The following MCPH1 variants were observed in gnomAD, a reference collection of about 807,000 sequenced individuals.
The protein encoded by MCPH1 is microcephalin 1.
Under a neutral mutation model 84.5 loss-of-function variants are expected in MCPH1, and 104 were observed. The observed-to-expected ratio is 1.23, with a 90% CI of 1.05 to 1.45. MCPH1 has a LOEUF of 1.45. MCPH1 is among the 40% of genes most tolerant of loss of function. MCPH1 has a pLI of 0.00. For synonymous variants in MCPH1, 514 were observed against 366.8 expected, an observed-to-expected ratio of 1.40 and a Z score of -4.58; for missense variants, 1,498 against 1,005.7, an observed-to-expected ratio of 1.49 and a Z score of -6.62.
At position 6,621,700 on chromosome 8, in the gene MCPH1, C is replaced by A. The variant is rs200446680; in HGVS notation, c.2452+9C>A. On this transcript the variant is annotated intron_variant, in intron 13 of 13. Coordinates refer to ENST00000344683, the MANE Select transcript of MCPH1 (RefSeq NM_024596.5). ...TGAGAAATGGGTCTTAGGTAAGAAT[C>A]CAGGCACACAGACGCTGTGGTGTGG... The A allele has an allele frequency of 2.4e-5, 39 of 1,614,064 alleles. No homozygotes were observed. In the African/African-American group the frequency reaches 4.5e-4, roughly 19 times the overall value.
At chr8:6,632,049 G>C (rs1447746314) in intron 13 of MCPH1, among the ~76,000 whole-genome samples, 1 of 152,188 alleles carries the variant, frequency 6.6e-6, no homozygotes, top group African/African-American at 2.4e-5. Context: ...GATGAACTTT[G>C]AAAACATCAT....
intron 12 of MCPH1, among the ~76,000 whole-genome samples, chr8:6,548,148 C>G (rs1244547015): frequency 1.3e-5 from 2 of 152,136 alleles, no homozygotes; most frequent in Non-Finnish European, 2.9e-5. Flanking sequence ...GTAGTTGGTT[C>G]CACTGGAATC....
At chr8:6,594,335 C>G (rs553124458) in intron 12 of MCPH1, among the ~76,000 whole-genome samples, 2 of 152,296 alleles carry the variant, frequency 1.3e-5, no homozygotes, top group African/African-American at 2.4e-5. Flanking sequence ...ACCTCTGGAC[C>G]CTGGGAGTCA....
At chr8:6,476,112 A>G (rs143882083) in intron 9 of MCPH1, among the ~76,000 whole-genome samples, 108 of 152,270 alleles carry the variant, frequency 7.1e-4, no homozygotes, top group African/African-American at 2.3e-3. Flanking sequence ...ACAAACAGAC[A>G]TAGATAATTT....
At chr8:6,407,496 T>C (rs143262217) in intron 1 of MCPH1, among the ~76,000 whole-genome samples, 1 of 152,140 alleles carries the variant, frequency 6.6e-6, no homozygotes, top group African/African-American at 2.4e-5. Context: ...TCTGTGCACC[T>C]GGAAGAGCCC....
chr8:6,479,340 G>C (rs1808882665), intron 10 of MCPH1, among the ~76,000 whole-genome samples: 1 of 152,036 alleles, frequency 6.6e-6, no homozygotes, highest in African/African-American at 2.4e-5. Flanking sequence ...TATAAGCATA[G>C]ACAATAACCT....
intron 12 of MCPH1, among the ~76,000 whole-genome samples, chr8:6,543,789 G>A (rs1284022661): frequency 2.0e-5 from 3 of 152,048 alleles, no homozygotes; most frequent in Non-Finnish European, 4.4e-5. Context: ...TTAAAGCTGC[G>A]AGTTTTTTCA....
intron 11 of MCPH1, among the ~76,000 whole-genome samples, chr8:6,484,056 A>C (rs1809561903): frequency 6.6e-6 from 1 of 152,234 alleles, no homozygotes; most frequent in Non-Finnish European, 1.5e-5. Context: ...CATGATGAAT[A>C]ACAGAAAACA....
intron 12 of MCPH1, among the ~76,000 whole-genome samples, chr8:6,574,782 C>A (rs572129958): frequency 3.3e-5 from 5 of 152,104 alleles, no homozygotes; most frequent in Non-Finnish European, 5.9e-5. Context: ...GAAGGAAGAC[C>A]TGCAGGATGG....
chr8:6,412,851 C>T (rs1420764881), intron 2 of MCPH1, among the ~76,000 whole-genome samples: 4 of 152,218 alleles, frequency 2.6e-5, no homozygotes, highest in Admixed American at 2.0e-4. Context: ...AAAAGTAATA[C>T]ATATTTATTG....
At chr8:6,540,253 C>G (rs1022701774) in intron 12 of MCPH1, among the ~76,000 whole-genome samples, 1 of 152,026 alleles carries the variant, frequency 6.6e-6, no homozygotes, top group Non-Finnish European at 1.5e-5. Flanking sequence ...TGTGTGTTTC[C>G]CTTACCACTA....
At chr8:6,522,140 G>C (rs1004494111) in intron 12 of MCPH1, among the ~76,000 whole-genome samples, 52 of 152,240 alleles carry the variant, frequency 3.4e-4, no homozygotes, top group Non-Finnish European at 5.9e-4. Flanking sequence ...CGGATCACGA[G>C]GTCGGGAGAT....
At position 6,536,605 on chromosome 8, in the gene MCPH1, C is replaced by G. The variant is rs757757628; in HGVS notation, c.2214+36676C>G. The stretch of plus-strand genomic sequence containing the variant: ...TGACAAAAGAATCTGTGTTTTCTTC[C>G]AAAGATTAGTAGTAATTTTTAGAGG... On this transcript the variant is annotated intron_variant, in intron 12 of 13. Coordinates refer to ENST00000344683, the MANE Select transcript of MCPH1 (RefSeq NM_024596.5). Among the ~76,000 whole-genome samples the G allele has an allele frequency of 7.2e-5, 11 of 152,202 alleles. No individual in the cohort carries two copies. In the South Asian group the frequency reaches 1.2e-3, roughly 17 times the overall value.
At chr8:6,514,443 C>T (rs1174529835) in intron 12 of MCPH1, among the ~76,000 whole-genome samples, 1 of 152,168 alleles carries the variant, frequency 6.6e-6, no homozygotes, top group Non-Finnish European at 1.5e-5. Flanking sequence ...TCTGCCTCGG[C>T]CTCCCAAAGT....
At position 6,513,833 on chromosome 8, in the gene MCPH1, G is replaced by A. The variant is rs1030887573; in HGVS notation, c.2214+13904G>A. 1.9e-6 allele frequency: 3 copies of A among 1,605,692 alleles called. No individual in the cohort carries two copies. The South Asian group carries it at 3.4e-5, about 18-fold the overall frequency. On this transcript the variant is annotated intron_variant, in intron 12 of 13. Transcript: ENST00000344683. ...TTCCCAGCCAATATTCTCCTGAAGG[G>A]TTACCAAATCCCTGTAATGCAAGTT...
intron 9 of MCPH1, among the ~76,000 whole-genome samples, chr8:6,470,812 TA>T (rs1211851956): frequency 1.3e-5 from 2 of 152,248 alleles, no homozygotes; most frequent in Non-Finnish European, 2.9e-5. Flanking sequence ...GTAGAAAATG[TA>T]AAGAGGGTTG....
intron 8 of MCPH1, chr8:6,446,341 A>T (rs532241298): frequency 2.0e-6 from 2 of 984,944 alleles, no homozygotes; most frequent in Admixed American, 1.2e-4. Flanking sequence ...GTGAGAACGC[A>T]TTCTCTCTGC....
In MCPH1 at chr8:6,444,783, T is replaced by C. The variant is rs148526209; in HGVS notation, c.1061T>C (p.Val354Ala). The C allele has an allele frequency of 1.0e-4, 164 of 1,613,958 alleles. 1 individual carries two copies. In the African/African-American group the frequency reaches 2.0e-3, roughly 20 times the overall value. ...LIHSRPRSSS[V>A]KRKRVSHGSH... ...CATTCAAGACCCAGGAGTTCCTCAG[T>C]AAAGAGAAAAAGAGTATCACATGGC... Residue 354 changes from valine to alanine, a missense_variant, in exon 8 of 14, where the codon GTA (valine) becomes GCA (alanine). By Grantham distance (64) the Val-to-Ala change is moderately conservative. Transcript: ENST00000344683.
chr8:6,614,222 A>T (rs1830570945), intron 12 of MCPH1, among the ~76,000 whole-genome samples: 1 of 152,104 alleles, frequency 6.6e-6, no homozygotes, highest in African/African-American at 2.4e-5. Context: ...GGTTTTGGAG[A>T]CGGTTGTGCA....
Sources: allele counts gnomAD v4.1 joint callset (sites outside exome capture counted in the v4.1 genomes callset), GRCh38; gene constraint gnomAD v4.1.1; transcripts MANE v1.5; gene names NCBI Gene and HGNC (gene_info 2026-07-23, HGNC 2026-07-21).